Variants in SEMA6A observed in about 807,000 individuals in gnomAD.
SEMA6A encodes semaphorin-6A.
SEMA6A carries 25 observed loss-of-function variants against 96.8 expected under a neutral mutation model. The observed-to-expected ratio is 0.26, with a 90% CI of 0.19 to 0.36. The LOEUF is 0.36. SEMA6A is among the 10% of genes least tolerant of loss of function. The pLI, the probability that SEMA6A is intolerant of heterozygous loss-of-function variation, is 1.00. For missense variants in SEMA6A, 1,363 were observed against 1,323.1 expected (o/e 1.03, Z -0.47); for synonymous variants, 612 against 518.0 (o/e 1.18, Z -2.46).
intron 10 of SEMA6A, among the ~76,000 whole-genome samples, chr5:116,484,833 A>G (rs185746112): frequency 6.6e-6 from 1 of 152,312 alleles, no homozygotes; most frequent in East Asian, 1.9e-4. Flanking sequence ...AGCATGGCAC[A>G]TTCAAGGAGC....
chr5:116,484,928 C>T (rs1228949046), intron 10 of SEMA6A, among the ~76,000 whole-genome samples: 1 of 152,146 alleles, frequency 6.6e-6, no homozygotes, highest in African/African-American at 2.4e-5. Context: ...TGGGGCCAGA[C>T]CCTGTGGGGG....
intron 18 of SEMA6A, among the ~76,000 whole-genome samples, chr5:116,463,862 C>T (rs1293636396): frequency 2.0e-5 from 3 of 152,190 alleles, no homozygotes; most frequent in Non-Finnish European, 4.4e-5. Flanking sequence ...CTTGTGTCCT[C>T]ATAGCAGTGG....
intron 17 of SEMA6A, among the ~76,000 whole-genome samples, chr5:116,471,916 CCT>C (rs1345265479): frequency 6.6e-6 from 1 of 152,036 alleles, no homozygotes; most frequent in African/African-American, 2.4e-5. Flanking sequence ...TTTTCTTTTC[CCT>C]TTTTTAAAAT....
At chr5:116,478,746 C>G in intron 12 of SEMA6A, 28 bp from the exon 13 acceptor site, 1 of 1,604,858 alleles carries the variant, frequency 6.2e-7, no homozygotes, top group Non-Finnish European at 8.5e-7. Context: ...CATTTCTTAT[C>G]TCTTTGTTGG....
chr5:116,478,230 C>G lies in SEMA6A; in HGVS notation c.1428-76G>C, dbSNP rs1756563663. 7.2e-6 allele frequency: 11 copies of G among 1,521,710 alleles called. No homozygotes were observed. The Admixed American group carries it at 9.8e-5, about 14-fold the overall frequency. The allele number at this position is 1,521,710 out of a possible 1,614,324, so 94.3% of individuals were successfully genotyped here. On this transcript the variant is annotated intron_variant, in intron 13 of 18. Transcript: ENST00000343348. Reference sequence around the variant, plus strand: ...CGGCCCCACCCTCACATCCCACTTCCCAGCCCACAAGGCAATCTCTTAATC... The same window carrying G: ...CGGCCCCACCCTCACATCCCACTTCGCAGCCCACAAGGCAATCTCTTAATC...
intron 1 of SEMA6A, among the ~76,000 whole-genome samples, chr5:116,535,098 T>G (rs1759651393): frequency 6.6e-6 from 1 of 152,158 alleles, no homozygotes; most frequent in Non-Finnish European, 1.5e-5. Flanking sequence ...GAGCAGTGAC[T>G]AGGATGGCCT....
intron 1 of SEMA6A, among the ~76,000 whole-genome samples, chr5:116,545,562 C>G (rs1760152513): frequency 6.6e-6 from 1 of 151,988 alleles, no homozygotes; most frequent in East Asian, 1.9e-4. Flanking sequence ...AAGAGCGAAA[C>G]TTCATCTTAA....
rs541666354 is a variant in SEMA6A at position 116,569,730 on chromosome 5, A to G, written c.-39+4455T>C. On this transcript the variant is annotated intron_variant, in intron 1 of 18. Transcript: ENST00000343348. ...GCCACAATGGATGTAGGTGTGACAG[A>G]GAAGCTTCAAGGAGAACTAAATTTG... Among the ~76,000 whole-genome samples the G allele has an allele frequency of 2.0e-5, 3 of 152,320 alleles. No homozygotes were observed. The South Asian group carries it at 6.2e-4, about 32-fold the overall frequency.
chr5:116,472,182 T>C (rs1241988960), intron 17 of SEMA6A: 1 of 152,198 alleles, frequency 6.6e-6, no homozygotes, highest in African/African-American at 2.4e-5. Flanking sequence ...ATGGAACAGC[T>C]CCATTTCAAC....
chr5:116,489,049 T>G (rs761549579), intron 7 of SEMA6A, 42 bp from the exon 8 acceptor site: 32 of 1,528,826 alleles, frequency 2.1e-5, no homozygotes, highest in African/African-American at 4.2e-5. Flanking sequence ...TGGGAGCAAG[T>G]CAGTGGGGGT....
chr5:116,474,278 GCACACACA>G (rs113731062), intron 16 of SEMA6A, among the ~76,000 whole-genome samples: 224 of 147,388 alleles, frequency 1.5e-3, no homozygotes, highest in African/African-American at 5.0e-3. Flanking sequence ...GTGCACGCAT[GCACACACA>G]CACACACACA....
At chr5:116,520,282 T>G (rs567041575) in intron 1 of SEMA6A, among the ~76,000 whole-genome samples, 1 of 151,354 alleles carries the variant, frequency 6.6e-6, no homozygotes, top group East Asian at 1.9e-4. Flanking sequence ...CATCACTTTA[T>G]TCTACATTTC....
chr5:116,498,800 T>C (rs1446344037), intron 3 of SEMA6A: 4 of 152,324 alleles, frequency 2.6e-5, no homozygotes, highest in Non-Finnish European at 5.9e-5. Context: ...TACTTTGCTA[T>C]CAGGTTTGAG....
chr5:116,463,372 GATTA>G (rs1755533890), intron 18 of SEMA6A, among the ~76,000 whole-genome samples: 1 of 152,106 alleles, frequency 6.6e-6, no homozygotes, highest in Non-Finnish European at 1.5e-5. Flanking sequence ...CAAATTTAAA[GATTA>G]AATAATTAAC....
chr5:116,482,709 G>C, intron 10 of SEMA6A, 134 bp from the exon 11 acceptor site: 1 of 784,438 alleles, frequency 1.3e-6, no homozygotes, highest in Non-Finnish European at 2.0e-6. Flanking sequence ...ATAAATATAA[G>C]GGATCTTAGT....
intron 1 of SEMA6A, among the ~76,000 whole-genome samples, chr5:116,511,268 T>A (rs749393786): frequency 3.3e-5 from 5 of 152,230 alleles, no homozygotes; most frequent in African/African-American, 4.8e-5. Context: ...TGTTTCACTG[T>A]ATTGCTTAGG....
At chr5:116,522,917 A>G (rs1759025545) in intron 1 of SEMA6A, among the ~76,000 whole-genome samples, 1 of 152,184 alleles carries the variant, frequency 6.6e-6, no homozygotes, top group Admixed American at 6.5e-5. Flanking sequence ...TGAGACAGTC[A>G]TCTTCGACCA....
intron 1 of SEMA6A, among the ~76,000 whole-genome samples, chr5:116,526,535 T>A (rs1759234567): frequency 6.6e-6 from 1 of 152,098 alleles, no homozygotes; most frequent in Non-Finnish European, 1.5e-5. Flanking sequence ...ATTTACAAAT[T>A]ATGGGGTAGA....
chr5:116,559,365 C>T (rs1475013322), intron 1 of SEMA6A, among the ~76,000 whole-genome samples: 1 of 152,172 alleles, frequency 6.6e-6, no homozygotes, highest in East Asian at 1.9e-4. Flanking sequence ...AGACAGCTGG[C>T]CGGAAGACAG....
Sources: allele counts gnomAD v4.1 joint callset (sites outside exome capture counted in the v4.1 genomes callset), GRCh38; gene constraint gnomAD v4.1.1; transcripts MANE v1.5; gene names NCBI Gene and HGNC (gene_info 2026-07-23, HGNC 2026-07-21).